The following IGF2BP1 variants were observed in gnomAD, a reference collection of about 807,000 sequenced individuals.
IGF2BP1 encodes insulin-like growth factor 2 mRNA-binding protein 1.
Under a neutral mutation model 74.9 loss-of-function variants are expected in IGF2BP1, and 11 were observed. The ratio of observed to expected loss-of-function variants is 0.15; its 90% CI spans 0.09 to 0.24. The LOEUF (loss-of-function observed/expected upper bound fraction) is 0.24, where lower values mean the gene tolerates loss of function less well. IGF2BP1 is among the 10% of genes least tolerant of loss of function. The pLI is 1.00. For missense variants in IGF2BP1, 440 were observed against 757.4 expected, an observed-to-expected ratio of 0.58 and a Z score of 4.92; for synonymous variants, 287 against 281.8, an observed-to-expected ratio of 1.02 and a Z score of -0.18.
At position 49,055,665 on chromosome 17, in the gene IGF2BP1, T is replaced by C; in HGVS notation, c.*6221T>C. ...CTATCACCATTTGGAGTCTCCCTTT[T>C]CTCCAGGATCTTGATCCTGGTCCCC... On this transcript the variant is annotated 3_prime_UTR_variant, in exon 15 of 15. Transcript: ENST00000290341. 5.0e-6 allele frequency: 2 copies of C among 398,490 alleles called. No individual in the cohort carries two copies. Among genetic ancestry groups the C allele is most frequent in the Non-Finnish European group, 8.8e-6 (2 of 226,046 alleles). The allele number at this position is 398,490 out of a possible 1,614,324, so 24.7% of individuals were successfully genotyped here. A position where few individuals can be genotyped will look rare whatever the true frequency, so the allele number is the denominator to read the frequency against.
At chr17:48,999,961 T>C (rs1488289709) in intron 2 of IGF2BP1, among the ~76,000 whole-genome samples, 8 of 149,990 alleles carry the variant, frequency 5.3e-5, no homozygotes, top group African/African-American at 1.7e-4. Context: ...TGTGTGTGTG[T>C]GTTCGTGTGT....
At chr17:49,003,764 G>GCT in intron 2 of IGF2BP1, among the ~76,000 whole-genome samples, 1 of 140,804 alleles carries the variant, frequency 7.1e-6, no homozygotes, top group South Asian at 2.5e-4. Context: ...GTCCCGGCTT[G>GCT]GAAATTCCAG....
chr17:49,024,083 A>ATT lies in IGF2BP1; in HGVS notation c.237-1508_237-1507dup, dbSNP rs765273098. ...AGGCACGTGCCACCACACCCTGCTA[A>ATT]TTTTTTTTTTTTTTTTTTTTTTTTT... On this transcript the variant is annotated intron_variant, in intron 2 of 14. Coordinates refer to ENST00000290341, the MANE Select transcript of IGF2BP1 (RefSeq NM_006546.4). 6.2e-3 allele frequency among the ~76,000 whole-genome samples: 486 copies of ATT among 78,102 alleles called. 54 individuals carry two copies. Among genetic ancestry groups the ATT allele is most frequent in the Non-Finnish European group, 9.6e-3 (369 of 38,594 alleles). The allele number at this position is 78,102 out of a possible 152,430, so 51.2% of individuals were successfully genotyped here. A position where few individuals can be genotyped will look rare whatever the true frequency, so the allele number is the denominator to read the frequency against.
intron 2 of IGF2BP1, among the ~76,000 whole-genome samples, chr17:49,004,376 A>C (rs1156710112): frequency 6.6e-6 from 1 of 152,230 alleles, no homozygotes; most frequent in Non-Finnish European, 1.5e-5. Flanking sequence ...ATTCTAAGGC[A>C]AAAAGCCAGT....
chr17:49,033,122 C>T lies in IGF2BP1; in HGVS notation c.401+1149C>T, dbSNP rs908062584. On this transcript the variant is annotated intron_variant, in intron 5 of 14. Transcript: ENST00000290341. ...CCACCTCGCCTGCCCTTTGTTACCTCGTTAACATTTCTGGGCTTTTTATTT... is the reference window on the plus strand; with the variant it reads ...CCACCTCGCCTGCCCTTTGTTACCTTGTTAACATTTCTGGGCTTTTTATTT... Among the ~76,000 whole-genome samples the T allele has an allele frequency of 3.9e-5, 6 of 152,144 alleles. No individual in the cohort carries two copies. In the East Asian group the frequency reaches 5.8e-4, roughly 15 times the overall value.
chr17:49,038,874 A>ATCTTTTTTTTTTTTTTTTTT lies in IGF2BP1; in HGVS notation c.683+426_683+427insCTTTTTTTTTTTTTTTTTTT, dbSNP rs1491495832. ...CTGCCACTGCCACCTTCTTTCTTTAATATTTTTTTTTTTTTTTTTTTGAGA... is the reference window on the plus strand; with the variant it reads ...CTGCCACTGCCACCTTCTTTCTTTAATCTTTTTTTTTTTTTTTTTTTATTTTTTTTTTTTTTTTTTTGAGA... On this transcript the variant is annotated intron_variant, in intron 6 of 14. Transcript: ENST00000290341. 4.1e-4 allele frequency among the ~76,000 whole-genome samples: 31 copies of ATCTTTTTTTTTTTTTTTTTT among 75,262 alleles called. 4 individuals are homozygous for ATCTTTTTTTTTTTTTTTTTT. Among genetic ancestry groups the ATCTTTTTTTTTTTTTTTTTT allele is most frequent in the African/African-American group, 1.5e-3 (27 of 17,816 alleles). 49.4% of individuals were successfully genotyped at this position (75,262 alleles called of 152,430 possible).
chr17:49,042,254 T>A lies in IGF2BP1; in HGVS notation c.954T>A (p.Leu318=). ...TKITISSLQD[L]TLYNPERTIT... ...CTCTTTCTGCCAGGTTGCAAGACCT[T>A]ACCCTTTACAACCCTGAGAGGACCA... is the stretch of plus-strand genomic sequence containing the variant. The change falls in exon 9 of 15, where the codon CTT becomes CTA. Residue 318 remains leucine, a synonymous_variant. Transcript: ENST00000290341. 1 of 1,614,220 alleles carries A rather than the reference T, an allele frequency of 6.2e-7. No homozygotes were observed. The highest frequency in any genetic ancestry group is 8.5e-7 in the Non-Finnish European group (1 of 1,180,036).
intron 2 of IGF2BP1, among the ~76,000 whole-genome samples, chr17:49,010,726 C>T (rs1309769898): frequency 6.6e-6 from 1 of 151,986 alleles, no homozygotes; most frequent in Non-Finnish European, 1.5e-5. Context: ...AGAGGGCTCC[C>T]AAAAGACAGA....
At chr17:49,019,938 A>ATATATTTATATATATATATT (rs1555597794) in intron 2 of IGF2BP1, among the ~76,000 whole-genome samples, 2 of 57,374 alleles carry the variant, frequency 3.5e-5, no homozygotes, top group East Asian at 6.6e-4. Flanking sequence ...ATATATATAT[A>ATATATTTATATATATATATT]TATATATATA....
chr17:49,043,792 C>T (rs923505956), intron 10 of IGF2BP1, among the ~76,000 whole-genome samples, 175 bp from the exon 11 acceptor site: 1 of 152,184 alleles, frequency 6.6e-6, no homozygotes, highest in Non-Finnish European at 1.5e-5. Context: ...GGCCTCTTCC[C>T]TTTAGCCCTA....
rs941907206 is a variant in IGF2BP1 at position 49,056,142 on chromosome 17, A to G, written c.*6698A>G. On this transcript the variant is annotated 3_prime_UTR_variant, in exon 15 of 15. Coordinates refer to ENST00000290341, the MANE Select transcript of IGF2BP1 (RefSeq NM_006546.4). ...AATAAAAGGAAACTTATATTGAAAG[A>G]CAAGTATGTCTGTGTCTCAGGGTTT... is the stretch of plus-strand genomic sequence containing the variant. 3.9e-5 allele frequency among the ~76,000 whole-genome samples: 6 copies of G among 152,166 alleles called. No homozygotes were observed. The highest frequency in any genetic ancestry group is 2.0e-4 in the Admixed American group (3 of 15,274).
chr17:49,040,837 C>T (rs956309476), intron 7 of IGF2BP1, among the ~76,000 whole-genome samples: 1 of 152,226 alleles, frequency 6.6e-6, no homozygotes, highest in Non-Finnish European at 1.5e-5. Context: ...TTGTTTTAAA[C>T]TTTTCCTTAT....
chr17:49,011,977 G>A (rs749215998), intron 2 of IGF2BP1, among the ~76,000 whole-genome samples: 1 of 142,722 alleles, frequency 7.0e-6, no homozygotes, highest in Admixed American at 7.5e-5. Flanking sequence ...GTGCAATCTC[G>A]GCTCACTACA....
chr17:49,020,051 T>TG lies in IGF2BP1; in HGVS notation c.237-5560dup, dbSNP rs1202698646. Among the ~76,000 whole-genome samples, 27 of 20,702 alleles carry TG rather than the reference T, an allele frequency of 1.3e-3. 1 individual carries two copies. The highest frequency in any genetic ancestry group is 0.011 in the East Asian group (9 of 844). 13.6% of individuals were successfully genotyped at this position (20,702 alleles called of 152,430 possible). On this transcript the variant is annotated intron_variant, in intron 2 of 14. Transcript: ENST00000290341. ...ACACATATATATGTATGTATTTTTTTGGGGGGGTGGGGTGGGGTGGGGGAC... is the reference window on the plus strand; with the variant it reads ...ACACATATATATGTATGTATTTTTTTGGGGGGGGTGGGGTGGGGTGGGGGAC...
At position 49,046,149 on chromosome 17, in the gene IGF2BP1, G is replaced by C. The variant is rs570817767; in HGVS notation, c.1528-111G>C. 428 of 1,448,438 alleles carry C rather than the reference G, an allele frequency of 3.0e-4. 5 individuals carry two copies. The South Asian group carries it at 4.9e-3, about 16-fold the overall frequency. The allele number at this position is 1,448,438 out of a possible 1,614,324, so 89.7% of individuals were successfully genotyped here. A position where few individuals can be genotyped will look rare whatever the true frequency, so the allele number is the denominator to read the frequency against. ...TCATTTACTTGATTCTACTCCCCAAGCTCAGGTCCTGACTCTTCCAGGTTC... is the reference window on the plus strand; with the variant it reads ...TCATTTACTTGATTCTACTCCCCAACCTCAGGTCCTGACTCTTCCAGGTTC... On this transcript the variant is annotated intron_variant, in intron 13 of 14. Transcript: ENST00000290341.
intron 2 of IGF2BP1, among the ~76,000 whole-genome samples, chr17:49,000,940 TA>T (rs11455355): frequency 7.3e-4 from 106 of 146,026 alleles, no homozygotes; most frequent in East Asian, 2.8e-3. Flanking sequence ...GAAGACTGGG[TA>T]AAAAAAAAAA....
intron 2 of IGF2BP1, among the ~76,000 whole-genome samples, chr17:49,022,335 G>A (rs540892795): frequency 7.9e-5 from 12 of 152,210 alleles, no homozygotes; most frequent in Non-Finnish European, 1.6e-4. Flanking sequence ...AAATTAGGTA[G>A]CACCATATTT....
At chr17:49,047,086 C>G (rs944188341) in intron 14 of IGF2BP1, among the ~76,000 whole-genome samples, 1 of 152,154 alleles carries the variant, frequency 6.6e-6, no homozygotes, top group African/African-American at 2.4e-5. Context: ...TAGAAGATAT[C>G]CAGATCTTAG....
chr17:49,038,305 G>A lies in IGF2BP1; in HGVS notation c.539G>A (p.Gly180Asp), dbSNP rs2042011595. 1 of 1,605,620 alleles carries A rather than the reference G, an allele frequency of 6.2e-7. No individual in the cohort carries two copies. The highest frequency in any genetic ancestry group is 1.7e-5 in the Admixed American group (1 of 58,404). ...GFGSRGQPRQ[G>D]SPVAAGAPAK... ...GGCTCTCGGGGTCAGCCCCGCCAGG[G>A]CTCACCTGTGGCAGCGGGGGCCCCA... The change falls in exon 6 of 15, where the codon GGC (glycine) becomes GAC (aspartate). Residue 180 changes from glycine to aspartate, a missense_variant. Physicochemically the swap from Gly to Asp is moderately conservative, Grantham distance 94. Coordinates refer to ENST00000290341, the MANE Select transcript of IGF2BP1 (RefSeq NM_006546.4).
Sources: allele counts gnomAD v4.1 joint callset (sites outside exome capture counted in the v4.1 genomes callset), GRCh38; gene constraint gnomAD v4.1.1; transcripts MANE v1.5; gene names NCBI Gene and HGNC (gene_info 2026-07-23, HGNC 2026-07-21).